The following KIF21B variants were observed in gnomAD, a reference collection of about 807,000 sequenced individuals.
The protein encoded by KIF21B is kinesin family member 21B.
Under a neutral mutation model 192.9 loss-of-function variants are expected in KIF21B, and 85 were observed. The observed-to-expected ratio is 0.44, with a 90% CI of 0.37 to 0.53. The LOEUF (loss-of-function observed/expected upper bound fraction) is 0.53, where lower values mean the gene tolerates loss of function less well. KIF21B is among the 20% of genes least tolerant of loss of function. KIF21B has a pLI of 0.00. For synonymous variants in KIF21B, 832 were observed against 884.6 expected (o/e 0.94, Z 1.05); for missense variants, 1,716 against 2,194.8 (o/e 0.78, Z 4.36).
chr1:200,975,299 G>A lies in KIF21B; in HGVS notation c.4614+200C>T, dbSNP rs1476137403. ...AGCAGGTTGCCTAAGAGGGAGATGT[G>A]GCATCAGGAGAGGCCGCGGGTAGGG... is the stretch of plus-strand genomic sequence containing the variant. On this transcript the variant is annotated intron_variant, in intron 33 of 34. Coordinates refer to ENST00000461742, the MANE Select transcript of KIF21B (RefSeq NM_001252102.2). The surrounding 1 kb of genome is among the most constrained non-coding windows in gnomAD (Gnocchi z 4.3). Among the ~76,000 whole-genome samples, 1 of 152,180 alleles carries A rather than the reference G, an allele frequency of 6.6e-6. No homozygotes were observed. The highest frequency in any genetic ancestry group is 1.5e-5 in the Non-Finnish European group (1 of 68,030).
Position 200,998,561 on chromosome 1 carries a change from C to G in KIF21B, c.1900G>C (p.Ala634Pro). 6.2e-7 allele frequency: 1 copy of G among 1,613,500 alleles called. No homozygotes were observed. Among genetic ancestry groups the G allele is most frequent in the Non-Finnish European group, 8.5e-7 (1 of 1,179,908 alleles). ...DPEEKEVNFQ[A>P]DLADLTCEIE... is the part of the protein sequence containing the mutation. ...TCACAAGTCAGGTCGGCCAGGTCCG[C>G]CTGGAAGTTCACCTCTATGGGGGCA... The change falls in exon 14 of 35, where the codon GCG becomes CCG. Residue 634 changes from alanine (A) to proline (P), a missense_variant. Coordinates refer to ENST00000461742, the MANE Select transcript of KIF21B (RefSeq NM_001252102.2). The surrounding 1 kb of genome is among the most constrained non-coding windows in gnomAD (Gnocchi z 4.3).
Position 200,986,867 on chromosome 1 carries a change from G to A in KIF21B, c.3666C>T (p.Ser1222=). The A allele has an allele frequency of 6.2e-7, 1 of 1,613,770 alleles. No individual in the cohort carries two copies. Among genetic ancestry groups the A allele is most frequent in the Non-Finnish European group, 8.5e-7 (1 of 1,179,826 alleles). ...ACCTAATGGGCTGCCCTCGGTCGTAGGACTTCCTTCTCGTCAGCGGGGACG... is the reference window on the plus strand; with the variant it reads ...ACCTAATGGGCTGCCCTCGGTCGTAAGACTTCCTTCTCGTCAGCGGGGACG... The part of the protein sequence containing the change: ...TETSPLTRRK[S]YDRGQPIRST... The change falls in exon 26 of 35, where the codon TCC becomes TCT. Residue 1222 remains serine (S), a synonymous_variant. Transcript: ENST00000461742.
rs1656028356 is a variant in KIF21B at position 200,982,804 on chromosome 1, C to T, written c.3842+252G>A. Reference sequence around the variant, plus strand: ...AGGAGGGAGAAGAGAACAGGGCCTGCGACAAGCAACTGTGCACCCTCCCCA... The same window carrying T: ...AGGAGGGAGAAGAGAACAGGGCCTGTGACAAGCAACTGTGCACCCTCCCCA... On this transcript the variant is annotated intron_variant, in intron 28 of 34. Coordinates refer to ENST00000461742, the MANE Select transcript of KIF21B (RefSeq NM_001252102.2). The surrounding 1 kb of genome is among the most constrained non-coding windows in gnomAD (Gnocchi z 4.7). 2.0e-5 allele frequency among the ~76,000 whole-genome samples: 3 copies of T among 152,294 alleles called. No individual in the cohort carries two copies. The highest frequency in any genetic ancestry group is 6.5e-5 in the Admixed American group (1 of 15,302).
chr1:201,017,512 G>A lies in KIF21B; in HGVS notation c.41+5831C>T, dbSNP rs1658576077. 6.6e-6 allele frequency among the ~76,000 whole-genome samples: 1 copy of A among 152,246 alleles called. No homozygotes were observed. On this transcript the variant is annotated intron_variant, in intron 1 of 34. Transcript: ENST00000461742. The surrounding 1 kb of genome is among the most constrained non-coding windows in gnomAD (Gnocchi z 4.1). ...GTTTCCCATGACCTCCCCAGAGACAGGAGACGCTGCAGAGTCAGGCTTCGC... is the reference window on the plus strand; with the variant it reads ...GTTTCCCATGACCTCCCCAGAGACAAGAGACGCTGCAGAGTCAGGCTTCGC...
chr1:200,999,799 C>A lies in KIF21B; in HGVS notation c.1767+84G>T, dbSNP rs1657348369. 2 of 1,349,690 alleles carry A rather than the reference C, an allele frequency of 1.5e-6. No individual in the cohort carries two copies. Among genetic ancestry groups the A allele is most frequent in the Non-Finnish European group, 2.1e-6 (2 of 947,516 alleles). 83.6% of individuals were successfully genotyped at this position (1,349,690 alleles called of 1,614,324 possible). ...ACCCAACCGCCTCCTTCACTCCATA[C>A]AAGGATGCGGATGGGGCCCCCGCCA... On this transcript the variant is annotated intron_variant, in intron 12 of 34. Transcript: ENST00000461742. The surrounding 1 kb of genome is among the most constrained non-coding windows in gnomAD (Gnocchi z 4.7).
At chr1:200,985,319 C>A (rs935916497) in intron 26 of KIF21B, among the ~76,000 whole-genome samples, 1 of 152,092 alleles carries the variant, frequency 6.6e-6, no homozygotes, top group Non-Finnish European at 1.5e-5. Context: ...GAGGCCTCAA[C>A]TCTACAAAAA....
Position 201,004,790 on chromosome 1 carries a change from C to T in KIF21B, c.876G>A (p.Glu292=), listed in dbSNP as rs776607124. 6.2e-7 allele frequency: 1 copy of T among 1,613,982 alleles called. No individual in the cohort carries two copies. The highest frequency in any genetic ancestry group is 8.5e-7 in the Non-Finnish European group (1 of 1,180,040). Residue 292 remains glutamate, a synonymous_variant, in exon 6 of 35, where the codon GAG becomes GAA. Transcript: ENST00000461742. ...CCAGGCCACAGTTGATGGAGATGCC[C>T]TCCTTGGCCCGCTCGCCAGTAGCCC... is the stretch of plus-strand genomic sequence containing the variant. ...RTGATGERAK[E]GISINCGLLA... is the part of the protein sequence containing the mutation.
At chr1:201,004,183 C>T (rs1657661974) in intron 7 of KIF21B, among the ~76,000 whole-genome samples, 157 bp downstream of exon 7, 4 of 152,214 alleles carry the variant, frequency 2.6e-5, no homozygotes, top group Admixed American at 6.5e-5. Flanking sequence ...GCCTGAAGGT[C>T]ATAAAGCACC....
intron 16 of KIF21B, among the ~76,000 whole-genome samples, chr1:200,992,010 G>A (rs1656733073): frequency 6.6e-6 from 1 of 152,242 alleles, no homozygotes; most frequent in Non-Finnish European, 1.5e-5. Context: ...TGCAGGGCCT[G>A]AAGCTGCACA....
At chr1:201,008,990 T>C (rs1474228621) in intron 2 of KIF21B, 39 bp from the exon 3 acceptor site, 5 of 1,565,776 alleles carry the variant, frequency 3.2e-6, no homozygotes, top group Non-Finnish European at 4.3e-6. Flanking sequence ...CCCTGCACCC[T>C]TTGGGGGCAC....
intron 34 of KIF21B, chr1:200,974,067 A>G (rs1275293590): frequency 5.6e-6 from 9 of 1,609,454 alleles, no homozygotes; most frequent in Non-Finnish European, 5.9e-6. Context: ...GGAAGAATGA[A>G]AGAGGAGACA....
intron 2 of KIF21B, 96 bp from the exon 3 acceptor site, chr1:201,009,047 C>G: frequency 7.1e-7 from 1 of 1,401,496 alleles, no homozygotes; most frequent in Non-Finnish European, 9.6e-7. Flanking sequence ...CATCTACCTC[C>G]CAGCCCGGTT....
chr1:200,970,059 C>T lies in KIF21B; in HGVS notation c.*3462G>A, dbSNP rs1340499357. On this transcript the variant is annotated 3_prime_UTR_variant, in exon 35 of 35. Coordinates refer to ENST00000461742, the MANE Select transcript of KIF21B (RefSeq NM_001252102.2). Reference sequence around the variant, plus strand: ...AGGGCAGGCTCTGCCCACACAAACACGATGGTGAACAGACCAGGCACAGGC... The same window carrying T: ...AGGGCAGGCTCTGCCCACACAAACATGATGGTGAACAGACCAGGCACAGGC... The T allele has an allele frequency of 2.6e-5, 4 of 152,796 alleles. No homozygotes were observed. Among genetic ancestry groups the T allele is most frequent in the East Asian group, 1.9e-4 (1 of 5,330 alleles). The allele number at this position is 152,796 out of a possible 1,614,324, so 9.5% of individuals were successfully genotyped here.
chr1:201,011,156 G>C (rs1658212537), intron 1 of KIF21B, among the ~76,000 whole-genome samples: 1 of 152,244 alleles, frequency 6.6e-6, no homozygotes, highest in Non-Finnish European at 1.5e-5. Context: ...GAAGAGAATG[G>C]CTGATTCTTG....
rs763589423 is a variant in KIF21B at position 200,999,876 on chromosome 1, T to C, written c.1767+7A>G. On this transcript the variant is annotated splice_region_variant and intron_variant, in intron 12 of 34. Transcript: ENST00000461742. This position sits in a 1 kb window ranked among gnomAD's most constrained non-coding sequence, Gnocchi z 4.7. ...TGTGGTGAGGTGGGGCGGCCCGTGC[T>C]CCTCACCTCCTCCGCCTCGTTCTCA... The C allele has an allele frequency of 2.5e-6, 4 of 1,613,392 alleles. No homozygotes were observed. Among genetic ancestry groups the C allele is most frequent in the South Asian group, 1.1e-5 (1 of 91,082 alleles).
Position 200,996,298 on chromosome 1 carries a change from C to A in KIF21B, c.2175G>T (p.Gln725His). ...REMNRDLQKL[Q>H]AAQKEHARLL... ...GCCGGGCGTGCTCTTTCTGGGCGGC[C>A]TGCAGCTTCTGCAGGTCCCGGTTCA... The change falls in exon 15 of 35, where the codon CAG (glutamine) becomes CAT (histidine). Residue 725 changes from glutamine (Q) to histidine (H), a missense_variant. Physicochemically the swap from Gln to His is conservative, Grantham distance 24 (BLOSUM62 0). Transcript: ENST00000461742. 1 of 1,614,202 alleles carries A rather than the reference C, an allele frequency of 6.2e-7. No individual in the cohort carries two copies.
At chr1:201,011,602 C>T (rs1658241334) in intron 1 of KIF21B, among the ~76,000 whole-genome samples, 1 of 152,240 alleles carries the variant, frequency 6.6e-6, no homozygotes, top group Non-Finnish European at 1.5e-5. Context: ...CGTGGCATTG[C>T]ACACAGGTAC....
At chr1:200,977,170 G>C in intron 31 of KIF21B, 42 bp downstream of exon 31, 1 of 1,576,766 alleles carries the variant, frequency 6.3e-7, no homozygotes, top group Non-Finnish European at 8.7e-7. Context: ...GACCTTGCCT[G>C]GGAATGCCAA....
Position 201,017,249 on chromosome 1 carries a change from G to A in KIF21B, c.41+6094C>T, listed in dbSNP as rs1227719853. The stretch of plus-strand genomic sequence containing the variant: ...GGGTGAAATGCCAGGGAGCAGGGAT[G>A]TGCAGGAGGAGCTGAAAGAAGGGGC... On this transcript the variant is annotated intron_variant, in intron 1 of 34. Coordinates refer to ENST00000461742, the MANE Select transcript of KIF21B (RefSeq NM_001252102.2). The surrounding 1 kb of genome is among the most constrained non-coding windows in gnomAD (Gnocchi z 4.1). Among the ~76,000 whole-genome samples, 2 of 152,182 alleles carry A rather than the reference G, an allele frequency of 1.3e-5. No homozygotes were observed. Among genetic ancestry groups the A allele is most frequent in the African/African-American group, 4.8e-5 (2 of 41,438 alleles).
Sources: allele counts gnomAD v4.1 joint callset (sites outside exome capture counted in the v4.1 genomes callset), GRCh38; gene constraint gnomAD v4.1.1; non-coding constraint Gnocchi (gnomAD v3.1); transcripts MANE v1.5; gene names NCBI Gene and HGNC (gene_info 2026-07-23, HGNC 2026-07-21).